Variants in NCAN observed in about 807,000 individuals in gnomAD.
NCAN encodes neurocan core protein.
NCAN carries 47 observed loss-of-function variants against 121.8 expected under a neutral mutation model. That is an observed-to-expected ratio of 0.39 (90% CI 0.31 to 0.49). NCAN has a LOEUF of 0.49. Ranked by LOEUF, NCAN falls within the 20% of genes least tolerant of loss-of-function variation. The pLI, the probability that NCAN is intolerant of heterozygous loss-of-function variation, is 0.92. For missense variants in NCAN, 1,517 were observed against 1,773.4 expected, an observed-to-expected ratio of 0.86 and a Z score of 2.60; for synonymous variants, 633 against 702.0, an observed-to-expected ratio of 0.90 and a Z score of 1.55.
intron 3 of NCAN, among the ~76,000 whole-genome samples, chr19:19,223,156 TA>T (rs1396605521): frequency 6.6e-6 from 1 of 151,538 alleles, no homozygotes; most frequent in African/African-American, 2.4e-5. Flanking sequence ...AATAAATAAA[TA>T]AAAAAGAACC....
intron 1 of NCAN, among the ~76,000 whole-genome samples, chr19:19,213,502 ATG>A (rs1201377644): frequency 2.6e-4 from 7 of 26,936 alleles, no homozygotes; most frequent in Non-Finnish European, 4.4e-4. Flanking sequence ...CAAGGGGTTT[ATG>A]TGGGGGGGGG....
rs1326238490 is a variant in NCAN at position 19,250,151 on chromosome 19, G to A, written c.*240G>A. On this transcript the variant is annotated 3_prime_UTR_variant, in exon 15 of 15. Transcript: ENST00000252575. Reference sequence around the variant, plus strand: ...TTCATTCTCGTCTGGCTGAACTCTGGGAGTGTGTCCCAGCTGAGGGAAGCA... The same window carrying A: ...TTCATTCTCGTCTGGCTGAACTCTGAGAGTGTGTCCCAGCTGAGGGAAGCA... 4.5e-6 allele frequency: 3 copies of A among 665,454 alleles called. No homozygotes were observed. Among genetic ancestry groups the A allele is most frequent in the Non-Finnish European group, 8.3e-6 (3 of 361,972 alleles). The allele number at this position is 665,454 out of a possible 1,614,324, so 41.2% of individuals were successfully genotyped here.
chr19:19,222,092 C>T (rs1043645447), intron 3 of NCAN, among the ~76,000 whole-genome samples: 2 of 151,992 alleles, frequency 1.3e-5, no homozygotes, highest in Admixed American at 6.6e-5. Flanking sequence ...ACCTGCATGC[C>T]CCCAAACTGG....
Position 19,249,880 on chromosome 19 carries a change from A to C in NCAN, c.3935A>C (p.Asp1312Ala). Residue 1312 changes from aspartate (D) to alanine (A), a missense_variant, in exon 15 of 15, where the codon GAC becomes GCC. By Grantham distance (126) the Asp-to-Ala change is moderately radical (BLOSUM62 -2). Transcript: ENST00000252575. Reference protein sequence around the residue: ...RRKHKKHPTEDWEKDEGNFC With the variant: ...RRKHKKHPTEAWEKDEGNFC ...AAACACAAGAAACACCCAACGGAGG[A>C]CTGGGAGAAGGACGAAGGGAATTTC... The C allele has an allele frequency of 6.2e-7, 1 of 1,614,132 alleles. No individual in the cohort carries two copies. Among genetic ancestry groups the C allele is most frequent in the Non-Finnish European group, 8.5e-7 (1 of 1,179,992 alleles).
chr19:19,224,566 T>G, intron 5 of NCAN, 133 bp downstream of exon 5: 1 of 1,216,126 alleles, frequency 8.2e-7, no homozygotes, highest in East Asian at 2.4e-5. Flanking sequence ...AACCAAGACA[T>G]GATTCCACTC....
At chr19:19,243,097 G>A (rs1380376201) in intron 12 of NCAN, among the ~76,000 whole-genome samples, 2 of 151,392 alleles carry the variant, frequency 1.3e-5, no homozygotes, top group Non-Finnish European at 2.9e-5. Flanking sequence ...TTTTTTTCAT[G>A]AAGCATTCAG....
chr19:19,241,124 C>T (rs2060901902), intron 12 of NCAN, among the ~76,000 whole-genome samples: 1 of 152,018 alleles, frequency 6.6e-6, no homozygotes. Context: ...GGTGTGGTGG[C>T]CCACGCCTCT....
chr19:19,221,744 G>C (rs1215805082), intron 3 of NCAN, among the ~76,000 whole-genome samples: 4 of 151,954 alleles, frequency 2.6e-5, no homozygotes, highest in Non-Finnish European at 5.9e-5. Flanking sequence ...AAAAATATTA[G>C]CAGGGCATGC....
intron 13 of NCAN, among the ~76,000 whole-genome samples, chr19:19,245,728 T>C (rs537901217): frequency 6.6e-6 from 1 of 152,262 alleles, no homozygotes; most frequent in East Asian, 1.9e-4. Context: ...TCTGCCTGTC[T>C]CAGCCTCTCG....
At chr19:19,238,723 G>A (rs974235262) in intron 11 of NCAN, 4 of 426,610 alleles carry the variant, frequency 9.4e-6, no homozygotes, top group African/African-American at 2.0e-5. Flanking sequence ...TCCCCAGGGA[G>A]TGACCATTTC....
rs1048551096 is a variant in NCAN, at chr19:19,249,817, A to T, written c.3872A>T (p.His1291Leu). 1.9e-6 allele frequency: 3 copies of T among 1,613,214 alleles called. No homozygotes were observed. The highest frequency in any genetic ancestry group is 2.5e-6 in the Non-Finnish European group (3 of 1,179,840). The change falls in exon 15 of 15, where the codon CAC becomes CTC. Residue 1291 changes from histidine to leucine, a missense_variant. Coordinates refer to ENST00000252575, the MANE Select transcript of NCAN (RefSeq NM_004386.3). ...RRHHHHHQHH[H>L]QHHHHKSRKE... Reference sequence around the variant, plus strand: ...CACCACCACCACCACCAACACCACCACCAGCATCACCACCACAAATCCCGC... The same window carrying T: ...CACCACCACCACCACCAACACCACCTCCAGCATCACCACCACAAATCCCGC...
At chr19:19,240,770 A>G in intron 12 of NCAN, 85 bp downstream of exon 12, 1 of 1,369,594 alleles carries the variant, frequency 7.3e-7, no homozygotes, top group South Asian at 1.2e-5. Context: ...GTGCAAAGTT[A>G]TCGCAATTGG....
At chr19:19,216,888 G>T in intron 1 of NCAN, 59 bp from the exon 2 acceptor site, 1 of 1,052,412 alleles carries the variant, frequency 9.5e-7, no homozygotes, top group South Asian at 3.9e-5. Context: ...CTGCAATGCT[G>T]AATATCTGGG....
intron 2 of NCAN, among the ~76,000 whole-genome samples, 193 bp from the exon 3 acceptor site, chr19:19,218,722 T>C (rs2060804714): frequency 6.6e-6 from 1 of 152,230 alleles, no homozygotes; most frequent in African/African-American, 2.4e-5. Flanking sequence ...TTTGCCCGCC[T>C]TGGTCTCTCA....
At chr19:19,214,763 T>TGA (rs927690558) in intron 1 of NCAN, among the ~76,000 whole-genome samples, 2,026 of 92,058 alleles carry the variant, frequency 0.022, 16 homozygotes, top group Admixed American at 0.027. Context: ...TGTGTGTGTG[T>TGA]GAGAGAGAGA....
intron 12 of NCAN, 78 bp from the exon 13 acceptor site, chr19:19,245,235 A>T: frequency 1.9e-6 from 3 of 1,551,284 alleles, no homozygotes; most frequent in Non-Finnish European, 2.6e-6. Context: ...TGGCCAGGGG[A>T]GTCCCACAGC....
Position 19,238,379 on chromosome 19 carries a change from T to C in NCAN, c.3377T>C (p.Val1126Ala), listed in dbSNP as rs754895457. ...CGCCGCTCCGGCCACCTGACCAGCG[T>C]CCACTCACCGGAGGAACACAGCTTC... ...CRRRSGHLTS[V>A]HSPEEHSFIN... Residue 1126 changes from valine (V) to alanine (A), a missense_variant, in exon 11 of 15, where the codon GTC becomes GCC. By Grantham distance (64) the Val-to-Ala change is moderately conservative (BLOSUM62 0). Transcript: ENST00000252575. 3.1e-6 allele frequency: 5 copies of C among 1,614,104 alleles called. No homozygotes were observed. The East Asian group carries it at 1.1e-4, about 36-fold the overall frequency.
rs1350446898 is a variant in NCAN at position 19,224,134 on chromosome 19, G to T, written c.589G>T (p.Ala197Ser). 1.9e-6 allele frequency: 3 copies of T among 1,609,098 alleles called. No individual in the cohort carries two copies. In the South Asian group the frequency reaches 3.3e-5, roughly 18 times the overall value. ...CATTGCAGCCCCTCGGCATCTACAG[G>T]CTGCCTTTGAGGATGGCTTTGACAA... is the stretch of plus-strand genomic sequence containing the variant. Reference protein sequence around the residue: ...AIIAAPRHLQAAFEDGFDNCD... With the variant: ...AIIAAPRHLQSAFEDGFDNCD... The change falls in exon 4 of 15, where the codon GCT (alanine) becomes TCT (serine). Residue 197 changes from alanine to serine, a missense_variant. Transcript: ENST00000252575.
chr19:19,231,194 T>C (rs1041168754), intron 8 of NCAN, among the ~76,000 whole-genome samples: 5 of 152,092 alleles, frequency 3.3e-5, no homozygotes, highest in Admixed American at 1.3e-4. Context: ...AATGTCCTTA[T>C]GGGAAAAGCT....
Sources: gnomAD v4.1 joint callset for allele counts (sites outside exome capture counted in the v4.1 genomes callset) on GRCh38, gnomAD v4.1.1 for gene constraint, MANE v1.5 for transcripts, NCBI Gene and HGNC (gene_info 2026-07-23, HGNC 2026-07-21) for gene names.